The following PTCH1 variants were observed in gnomAD, a reference collection of about 807,000 sequenced individuals.
PTCH1 encodes protein patched homolog 1.
Under a neutral mutation model 144.6 loss-of-function variants are expected in PTCH1, and 14 were observed. The observed-to-expected ratio is 0.10, with a 90% CI of 0.06 to 0.15. PTCH1 has a LOEUF of 0.15. Ranked by LOEUF, PTCH1 falls within the 10% of genes least tolerant of loss-of-function variation. PTCH1 has a pLI of 1.00. For synonymous variants in PTCH1, 833 were observed against 793.6 expected (o/e 1.05, Z -0.83); for missense variants, 1,623 against 1,948.3 (o/e 0.83, Z 3.14).
intron 7 of PTCH1, 56 bp from the exon 8 acceptor site, chr9:95,479,203 A>G: frequency 6.2e-7 from 1 of 1,611,506 alleles, no homozygotes; most frequent in East Asian, 2.2e-5. Flanking sequence ...AGCAGTTTCC[A>G]CTGCCTCAAA....
intron 18 of PTCH1, 65 bp downstream of exon 18, chr9:95,457,948 C>T (rs910168589): frequency 2.4e-5 from 39 of 1,599,856 alleles, no homozygotes; most frequent in African/African-American, 4.0e-5. Flanking sequence ...CAAAACTTCC[C>T]GGCTGCAGAA....
intron 2 of PTCH1, among the ~76,000 whole-genome samples, chr9:95,490,520 GACACACAC>G (rs35550307): frequency 1.3e-4 from 18 of 140,378 alleles, no homozygotes; most frequent in South Asian, 2.3e-4. Flanking sequence ...CCTTCTATGT[GACACACAC>G]ACACACACAC....
At chr9:95,515,477 G>C (rs1289374538) in intron 1 of PTCH1, among the ~76,000 whole-genome samples, 9 of 151,250 alleles carry the variant, frequency 6.0e-5, no homozygotes, top group African/African-American at 2.2e-4. Context: ...GATGGAAACA[G>C]ATCAGTTTCC....
At chr9:95,515,683 C>G (rs1308469261) in intron 1 of PTCH1, among the ~76,000 whole-genome samples, 1 of 152,224 alleles carries the variant, frequency 6.6e-6, no homozygotes, top group Non-Finnish European at 1.5e-5. Context: ...ACTCTAAGCA[C>G]TGGGCTGGTC....
chr9:95,454,694 G>A (rs767328325), intron 19 of PTCH1, among the ~76,000 whole-genome samples: 2 of 152,198 alleles, frequency 1.3e-5, no homozygotes, highest in Non-Finnish European at 2.9e-5. Flanking sequence ...ATGTTACTGA[G>A]ACAGCAAATG....
chr9:95,450,227 T>A, intron 20 of PTCH1: 1 of 454,844 alleles, frequency 2.2e-6, no homozygotes, highest in Admixed American at 3.4e-5. Context: ...TGGCATGTAA[T>A]GTTATTTATG....
At position 95,496,199 on chromosome 9, in the gene PTCH1, C is replaced by G. The variant is rs1842781824; in HGVS notation, c.394+10208G>C. ...TTACCATATGTATAGCTGCTCGGTG[C>G]TAATTATGCTAATCACCTGTCTAAC... On this transcript the variant is annotated intron_variant, in intron 2 of 23. Transcript: ENST00000331920. Among the ~76,000 whole-genome samples the G allele has an allele frequency of 2.0e-5, 3 of 152,312 alleles. No homozygotes were observed. In the East Asian group the frequency reaches 5.8e-4, roughly 29 times the overall value.
At chr9:95,462,514 C>T (rs532591182) in intron 15 of PTCH1, among the ~76,000 whole-genome samples, 3 of 152,336 alleles carry the variant, frequency 2.0e-5, no homozygotes, top group African/African-American at 7.2e-5. Flanking sequence ...ATCTGTTCGA[C>T]TTGTGGAGCT....
chr9:95,499,889 T>C (rs1014636612), intron 2 of PTCH1, among the ~76,000 whole-genome samples: 1 of 151,960 alleles, frequency 6.6e-6, no homozygotes, highest in Non-Finnish European at 1.5e-5. Flanking sequence ...AAAGCGCCCC[T>C]TTCTCCGCCC....
At chr9:95,456,719 G>A (rs371688571) in intron 18 of PTCH1, among the ~76,000 whole-genome samples, 2 of 152,210 alleles carry the variant, frequency 1.3e-5, no homozygotes, top group South Asian at 4.2e-4. Context: ...CGCAATCCAC[G>A]AGGAATTGCA....
intron 2 of PTCH1, among the ~76,000 whole-genome samples, chr9:95,489,861 C>T (rs1186145470): frequency 2.7e-5 from 4 of 149,002 alleles, no homozygotes; most frequent in Non-Finnish European, 5.9e-5. Flanking sequence ...AGTGCAGTGG[C>T]CCCATCTCAG....
At chr9:95,506,271 A>T in intron 2 of PTCH1, 136 bp downstream of exon 2, 1 of 1,073,938 alleles carries the variant, frequency 9.3e-7, no homozygotes, top group Non-Finnish European at 1.3e-6. Flanking sequence ...GCGCCCAAAC[A>T]ATAAACAATC....
At chr9:95,502,477 C>T (rs1264259655) in intron 2 of PTCH1, among the ~76,000 whole-genome samples, 1 of 152,154 alleles carries the variant, frequency 6.6e-6, no homozygotes, top group Non-Finnish European at 1.5e-5. Flanking sequence ...ACCTTGCTGC[C>T]ATGGTCATGT....
rs1463935039 is a variant in PTCH1, at chr9:95,456,331, A to G, written c.3251T>C (p.Val1084Ala). Reference protein sequence around the residue: ...IGIKLSAVPVVILIASVGIGV... With the variant: ...IGIKLSAVPVAILIASVGIGV... ...TATGCCAACAGAAGCGATCAGGATGACCACGGGCACGGCACTGAGCTTGAT... is the reference window on the plus strand; with the variant it reads ...TATGCCAACAGAAGCGATCAGGATGGCCACGGGCACGGCACTGAGCTTGAT... Residue 1084 changes from valine to alanine, a missense_variant, in exon 19 of 24, where the codon GTC (valine) becomes GCC (alanine). By Grantham distance (64) the Val-to-Ala change is moderately conservative. This residue lies in a region of PTCH1 where 504 missense variants were observed against 679.3 expected (regional missense o/e 0.74). Coordinates refer to ENST00000331920, the MANE Select transcript of PTCH1 (RefSeq NM_000264.5). 33 of 1,613,964 alleles carry G rather than the reference A, an allele frequency of 2.0e-5. No individual in the cohort carries two copies. The Admixed American group carries it at 5.5e-4, about 27-fold the overall frequency.
intron 1 of PTCH1, chr9:95,507,550 G>T: frequency 1.6e-6 from 1 of 616,780 alleles, no homozygotes; most frequent in Non-Finnish European, 2.0e-6. Context: ...AGGAGAGGCG[G>T]CTCAAAACCT....
chr9:95,446,818 A>G, intron 23 of PTCH1, 93 bp downstream of exon 23: 1 of 1,539,220 alleles, frequency 6.5e-7, no homozygotes, highest in Non-Finnish European at 8.9e-7. Flanking sequence ...CGAGCGCCAC[A>G]GCCCCTCGGG....
At chr9:95,450,238 A>G (rs543438643) in intron 20 of PTCH1, 4 of 433,838 alleles carry the variant, frequency 9.2e-6, no homozygotes, top group African/African-American at 8.0e-5. Flanking sequence ...GTTATTTATG[A>G]ATGTGTTACA....
At chr9:95,507,846 G>A (rs1843829791) in intron 1 of PTCH1, 2 of 1,070,194 alleles carry the variant, frequency 1.9e-6, no homozygotes, top group Admixed American at 3.5e-5. Flanking sequence ...CCTTGAGGTG[G>A]TCCGCCGTGG....
At chr9:95,513,717 C>T (rs953721723), upstream of PTCH1, among the ~76,000 whole-genome samples, 2 of 151,996 alleles carry the variant, frequency 1.3e-5, no homozygotes, top group African/African-American at 2.4e-5. Flanking sequence ...TCAGGGAAGT[C>T]GGGGACGGGG....
Sources: allele counts gnomAD v4.1 joint callset (sites outside exome capture counted in the v4.1 genomes callset), GRCh38; gene constraint gnomAD v4.1.1; regional missense constraint gnomAD v4.1.1; transcripts MANE v1.5; gene names NCBI Gene and HGNC (gene_info 2026-07-23, HGNC 2026-07-21).